B4GALNT3: variants seen among roughly 807,000 people sequenced by gnomAD.
The protein encoded by B4GALNT3 is beta-1,4-N-acetylgalactosaminyltransferase 3.
In B4GALNT3, 86 loss-of-function variants were observed where a neutral mutation model predicts 120.2. The observed-to-expected ratio is 0.72, with a 90% CI of 0.60 to 0.86. The LOEUF is 0.86. B4GALNT3 is among the 40% of genes least tolerant of loss of function. The probability of loss-of-function intolerance (pLI) is 0.00; values close to 1 mark genes in which losing one functional copy is unlikely to be tolerated. For missense variants in B4GALNT3, 1,167 were observed against 1,298.9 expected, an observed-to-expected ratio of 0.90 and a Z score of 1.56; for synonymous variants, 518 against 510.4, an observed-to-expected ratio of 1.01 and a Z score of -0.20.
intron 1 of B4GALNT3, among the ~76,000 whole-genome samples, chr12:481,031 T>C (rs1592015326): frequency 6.6e-6 from 1 of 152,150 alleles, no homozygotes; most frequent in Admixed American, 6.5e-5. Context: ...GGATTGGCCA[T>C]GGAATTGGCT....
chr12:555,848 G>C (rs557797140), intron 14 of B4GALNT3, among the ~76,000 whole-genome samples: 1 of 151,716 alleles, frequency 6.6e-6, no homozygotes, highest in South Asian at 2.1e-4. Context: ...GCAGTGGCGC[G>C]ATCTCGACTC....
chr12:519,926 A>G lies in B4GALNT3; in HGVS notation c.170-15240A>G, dbSNP rs186979421. On this transcript the variant is annotated intron_variant, in intron 1 of 19. Coordinates refer to ENST00000266383, the MANE Select transcript of B4GALNT3 (RefSeq NM_173593.4). ...CTCATTGGCCGGGTTAGTCCCTTTC[A>G]TATTCTCAGCTTTCTACCCTCTTGT... 1.4e-4 allele frequency among the ~76,000 whole-genome samples: 22 copies of G among 152,240 alleles called. No homozygotes were observed. In the South Asian group the frequency reaches 3.5e-3, roughly 24 times the overall value.
At chr12:482,509 T>G (rs996748197) in intron 1 of B4GALNT3, among the ~76,000 whole-genome samples, 1 of 152,204 alleles carries the variant, frequency 6.6e-6, no homozygotes, top group African/African-American at 2.4e-5. Flanking sequence ...ATCCCTTCAT[T>G]TATCCAACAT....
intron 1 of B4GALNT3, among the ~76,000 whole-genome samples, chr12:478,264 AAAAAAAAATT>A (rs1391591246): frequency 3.8e-5 from 4 of 105,476 alleles, no homozygotes; most frequent in African/African-American, 1.2e-4. Context: ...AAAAAAAAAA[AAAAAAAAATT>A]AGAGGAGGTA....
chr12:535,348 G>A, intron 2 of B4GALNT3, 79 bp downstream of exon 2: 1 of 1,236,594 alleles, frequency 8.1e-7, no homozygotes, highest in Non-Finnish European at 1.2e-6. Context: ...TGCCTTAAGG[G>A]TAACCTCTGC....
rs770403254 is a variant in B4GALNT3, at chr12:549,756, T to TC, written c.854-10dup. The stretch of plus-strand genomic sequence containing the variant: ...CCACACAGCCTCCTGCTTTCTTTCC[T>TC]CCCTGCGCCCAGATGAGACGTTCCT... On this transcript the variant is annotated splice_polypyrimidine_tract_variant and intron_variant, in intron 9 of 19. Transcript: ENST00000266383. The TC allele has an allele frequency of 1.9e-6, 3 of 1,613,622 alleles. No individual in the cohort carries two copies. The highest frequency in any genetic ancestry group is 2.5e-6 in the Non-Finnish European group (3 of 1,179,986).
Position 464,036 on chromosome 12 carries a change from A to T in B4GALNT3, c.169+3491A>T, listed in dbSNP as rs1012461442. Among the ~76,000 whole-genome samples the T allele has an allele frequency of 3.3e-5, 5 of 152,338 alleles. No individual in the cohort carries two copies. In the South Asian group the frequency reaches 8.3e-4, roughly 25 times the overall value. The stretch of plus-strand genomic sequence containing the variant: ...GTGGTTCTGGAACAGGGTCCTGACG[A>T]GTCCCCTTGTTGAGCCCAACATTAA... On this transcript the variant is annotated intron_variant, in intron 1 of 19. Transcript: ENST00000266383.
At position 561,549 on chromosome 12, in the gene B4GALNT3, C is replaced by T. The variant is rs1947232676; in HGVS notation, c.*98C>T. The T allele has an allele frequency of 4.0e-6, 4 of 999,304 alleles. No individual in the cohort carries two copies. The African/African-American group carries it at 6.4e-5, about 16-fold the overall frequency. 61.9% of individuals were successfully genotyped at this position (999,304 alleles called of 1,614,324 possible). ...TCAGGGATGGGGAGTGGGGTGACGGCTGGACCCCAAGAGGCCTCGAAGCTG... is the reference window on the plus strand; with the variant it reads ...TCAGGGATGGGGAGTGGGGTGACGGTTGGACCCCAAGAGGCCTCGAAGCTG... On this transcript the variant is annotated 3_prime_UTR_variant, in exon 20 of 20. Coordinates refer to ENST00000266383, the MANE Select transcript of B4GALNT3 (RefSeq NM_173593.4).
chr12:524,345 G>C (rs191778234), intron 1 of B4GALNT3, among the ~76,000 whole-genome samples: 1 of 152,338 alleles, frequency 6.6e-6, no homozygotes, highest in Non-Finnish European at 1.5e-5. Flanking sequence ...AGATCTAGCA[G>C]CTGGCAGCCC....
intron 13 of B4GALNT3, 110 bp from the exon 14 acceptor site, chr12:553,084 A>C: frequency 6.8e-7 from 1 of 1,474,914 alleles, no homozygotes; most frequent in Non-Finnish European, 9.2e-7. Context: ...ATTCAACCCC[A>C]GTCTGGAGCC....
chr12:472,255 A>G (rs933613038), intron 1 of B4GALNT3, among the ~76,000 whole-genome samples: 2 of 152,178 alleles, frequency 1.3e-5, no homozygotes, highest in African/African-American at 4.8e-5. Context: ...GGTAGGGAGC[A>G]ACATACATTT....
intron 1 of B4GALNT3, among the ~76,000 whole-genome samples, chr12:524,356 T>G (rs1329786818): frequency 6.6e-6 from 1 of 152,206 alleles, no homozygotes; most frequent in Non-Finnish European, 1.5e-5. Flanking sequence ...CTGGCAGCCC[T>G]CCAGATCAGA....
intron 1 of B4GALNT3, among the ~76,000 whole-genome samples, chr12:467,000 A>G (rs1946087649): frequency 6.6e-6 from 1 of 152,194 alleles, no homozygotes; most frequent in Non-Finnish European, 1.5e-5. Context: ...GGGCGGTGCT[A>G]TGAATCACTA....
At chr12:470,046 A>G (rs1314116462) in intron 1 of B4GALNT3, among the ~76,000 whole-genome samples, 3 of 152,160 alleles carry the variant, frequency 2.0e-5, no homozygotes, top group Admixed American at 6.5e-5. Context: ...ACCTGTAACT[A>G]ATTTCCTGTC....
Position 536,249 on chromosome 12 carries a change from A to T in B4GALNT3, c.305A>T (p.Asn102Ile). The T allele has an allele frequency of 6.2e-7, 1 of 1,614,174 alleles. No homozygotes were observed. Among genetic ancestry groups the T allele is most frequent in the Non-Finnish European group, 8.5e-7 (1 of 1,180,010 alleles). ...GACATTGACCAAGGGGTGAGCAGTA[A>T]CAGCAGCTACTTGAAGTGGAACAAG... ...DHDIDQGVSS[N>I]SSYLKWNKPV... Residue 102 changes from asparagine (N) to isoleucine (I), a missense_variant, in exon 3 of 20, where the codon AAC (asparagine) becomes ATC (isoleucine). Around this residue, in one of 3 missense-constraint regions of B4GALNT3, gnomAD observed 171 missense variants for 161.3 expected, o/e 1.06. Coordinates refer to ENST00000266383, the MANE Select transcript of B4GALNT3 (RefSeq NM_173593.4).
In B4GALNT3 at chr12:505,176, A is replaced by G. The variant is rs145676762; in HGVS notation, c.170-29990A>G. 5.4e-4 allele frequency among the ~76,000 whole-genome samples: 82 copies of G among 152,266 alleles called. 2 individuals are homozygous for G. The highest frequency in any genetic ancestry group is 1.9e-3 in the African/African-American group (79 of 41,558). ...CAACGTGCTGGGAGTACAGGCGTGAACCACCACGCCTGGCCTCACCAGAGG... is the reference window on the plus strand; with the variant it reads ...CAACGTGCTGGGAGTACAGGCGTGAGCCACCACGCCTGGCCTCACCAGAGG... On this transcript the variant is annotated intron_variant, in intron 1 of 19. Transcript: ENST00000266383.
intron 7 of B4GALNT3, 46 bp from the exon 8 acceptor site, chr12:547,978 G>A: frequency 1.3e-6 from 2 of 1,550,394 alleles, no homozygotes; most frequent in Non-Finnish European, 8.9e-7. Context: ...GCGACCCCAG[G>A]GCCCATGGAG....
intron 1 of B4GALNT3, among the ~76,000 whole-genome samples, chr12:472,627 C>T (rs987613481): frequency 6.6e-6 from 1 of 152,110 alleles, no homozygotes; most frequent in Non-Finnish European, 1.5e-5. Context: ...TTAGTAGAGG[C>T]GGGGTCTCAC....
chr12:561,004 T>C (rs927943783), intron 19 of B4GALNT3, among the ~76,000 whole-genome samples: 4 of 152,236 alleles, frequency 2.6e-5, no homozygotes, highest in South Asian at 2.1e-4. Flanking sequence ...GCCCTCAGCA[T>C]CCATCCTTCT....
Sources: gnomAD v4.1 joint callset for allele counts (sites outside exome capture counted in the v4.1 genomes callset) on GRCh38, gnomAD v4.1.1 for gene constraint, gnomAD v4.1.1 regional missense constraint, MANE v1.5 for transcripts, NCBI Gene and HGNC (gene_info 2026-07-23, HGNC 2026-07-21) for gene names.